The following DYRK1A variants were observed in gnomAD, a reference collection of about 807,000 sequenced individuals.
DYRK1A encodes the protein dual specificity tyrosine phosphorylation regulated kinase 1A, also known as dual specificity tyrosine-phosphorylation-regulated kinase 1A.
A neutral mutation model predicts 79.7 loss-of-function variants in DYRK1A; 9 were observed. That is an observed-to-expected ratio of 0.11 (90% CI 0.07 to 0.20). The LOEUF (loss-of-function observed/expected upper bound fraction) is 0.20, where lower values mean the gene tolerates loss of function less well. Ranked by LOEUF, DYRK1A falls within the 10% of genes least tolerant of loss-of-function variation. The probability of loss-of-function intolerance (pLI) is 1.00; values close to 1 mark genes in which losing one functional copy is unlikely to be tolerated. For synonymous variants in DYRK1A, 349 were observed against 329.7 expected, an observed-to-expected ratio of 1.06 and a Z score of -0.63; for missense variants, 622 against 956.0, an observed-to-expected ratio of 0.65 and a Z score of 4.61.
intron 1 of DYRK1A, among the ~76,000 whole-genome samples, chr21:37,411,437 CAAG>C (rs2050243922): frequency 7.0e-6 from 1 of 142,916 alleles, no homozygotes; most frequent in Non-Finnish European, 1.5e-5. Context: ...CAAACCAAAA[CAAG>C]AAAACCCCAC....
At chr21:37,432,195 T>G (rs1396179790) in intron 2 of DYRK1A, among the ~76,000 whole-genome samples, 3 of 152,152 alleles carry the variant, frequency 2.0e-5, no homozygotes, top group African/African-American at 7.2e-5. Flanking sequence ...CCTTTTTTTT[T>G]GTTCTGGGAA....
At chr21:37,368,644 C>T (rs917594494) in intron 1 of DYRK1A, among the ~76,000 whole-genome samples, 1 of 152,042 alleles carries the variant, frequency 6.6e-6, no homozygotes, top group African/African-American at 2.4e-5. Context: ...GTGGATCGAC[C>T]AGCTTGCCCA....
intron 1 of DYRK1A, among the ~76,000 whole-genome samples, chr21:37,379,430 A>G (rs918652320): frequency 6.6e-6 from 1 of 152,232 alleles, no homozygotes; most frequent in African/African-American, 2.4e-5. Context: ...AAGAGTATTA[A>G]GCTTTGTTGG....
rs3216074 is a variant in DYRK1A at position 37,417,529 on chromosome 21, C to CTTTT, written c.-76-2748_-76-2745dup. Among the ~76,000 whole-genome samples, 395 of 43,926 alleles carry CTTTT rather than the reference C, an allele frequency of 9.0e-3. 38 individuals are homozygous for CTTTT. The highest frequency in any genetic ancestry group is 0.037 in the African/African-American group (360 of 9,700). The allele number at this position is 43,926 out of a possible 152,430, so 28.8% of individuals were successfully genotyped here. On this transcript the variant is annotated intron_variant, in intron 1 of 11. Transcript: ENST00000647188. ...TTCTTTTCTTTTTCTTTTTCTTTTT[C>CTTTT]TTTTTTTTTTTTTTTTTTTTTTTTT... is the stretch of plus-strand genomic sequence containing the variant.
rs148280693 is a variant in DYRK1A at position 37,492,188 on chromosome 21, A to G, written c.925-829A>G. 4.0e-3 allele frequency among the ~76,000 whole-genome samples: 605 copies of G among 152,324 alleles called. 3 individuals carry two copies. Among genetic ancestry groups the G allele is most frequent in the Non-Finnish European group, 5.1e-3 (346 of 68,024 alleles). On this transcript the variant is annotated intron_variant, in intron 7 of 11. Transcript: ENST00000647188. ...TTAGACTTTCTTCTCATAGTTCCTT[A>G]AGGTTGGTTGACCTACCTGTGGAGG...
rs73398097 is a variant in DYRK1A at position 37,458,514 on chromosome 21, A to G, written c.11-14170A>G. Among the ~76,000 whole-genome samples, 683 of 152,134 alleles carry G rather than the reference A, an allele frequency of 4.5e-3. 4 individuals carry two copies. Among genetic ancestry groups the G allele is most frequent in the African/African-American group, 0.015 (639 of 41,506 alleles). On this transcript the variant is annotated intron_variant, in intron 2 of 11. Transcript: ENST00000647188. ...GTGTGTAACGTTTCAAACCCAAGGC[A>G]TTGTACAAGGGAGAGGAGTACTTTG...
In DYRK1A at chr21:37,490,035, T is replaced by C. The variant is rs544666484; in HGVS notation, c.638-140T>C. On this transcript the variant is annotated intron_variant, in intron 6 of 11. Transcript: ENST00000647188. ...CTTAACTGATTGAAAACTGCTGTTA[T>C]TACAAAATGCTGATCTCCAAACTTT... 5.9e-5 allele frequency: 50 copies of C among 842,510 alleles called. No individual in the cohort carries two copies. The Middle Eastern group carries it at 1.1e-3, about 18-fold the overall frequency. The allele number at this position is 842,510 out of a possible 1,614,324, so 52.2% of individuals were successfully genotyped here. A position where few individuals can be genotyped will look rare whatever the true frequency, so the allele number is the denominator to read the frequency against.
intron 7 of DYRK1A, among the ~76,000 whole-genome samples, chr21:37,492,755 TATC>T (rs1320692393): frequency 5.3e-4 from 80 of 152,190 alleles, no homozygotes; most frequent in African/African-American, 1.9e-3. Flanking sequence ...TTTTAAGAAA[TATC>T]ATGATGACTA....
At chr21:37,500,266 T>C (rs926373549) in intron 9 of DYRK1A, among the ~76,000 whole-genome samples, 12 of 152,192 alleles carry the variant, frequency 7.9e-5, no homozygotes, top group African/African-American at 2.9e-4. Flanking sequence ...TTCTCCTGTT[T>C]TGTGGTAAAA....
chr21:37,373,534 G>T, intron 1 of DYRK1A, among the ~76,000 whole-genome samples: 1 of 152,214 alleles, frequency 6.6e-6, no homozygotes, highest in Non-Finnish European at 1.5e-5. Context: ...ATCTAAGGCT[G>T]ATATGGTGGC....
intron 1 of DYRK1A, among the ~76,000 whole-genome samples, chr21:37,376,680 T>C (rs537239231): frequency 5.3e-5 from 8 of 152,274 alleles, no homozygotes; most frequent in African/African-American, 1.7e-4. Flanking sequence ...CTTGATTAAC[T>C]ACTGGACTAG....
At chr21:37,455,806 T>C (rs1460946360) in intron 2 of DYRK1A, among the ~76,000 whole-genome samples, 1 of 152,176 alleles carries the variant, frequency 6.6e-6, no homozygotes, top group Non-Finnish European at 1.5e-5. Flanking sequence ...ACATTAACTC[T>C]TTACTGTTCT....
At chr21:37,500,488 A>G (rs1194418628) in intron 9 of DYRK1A, among the ~76,000 whole-genome samples, 3 of 152,210 alleles carry the variant, frequency 2.0e-5, no homozygotes, top group Non-Finnish European at 4.4e-5. Flanking sequence ...TTGTGAAACT[A>G]TTAGGAAATA....
intron 2 of DYRK1A, among the ~76,000 whole-genome samples, chr21:37,439,989 A>C (rs938932994): frequency 6.6e-6 from 1 of 152,054 alleles, no homozygotes; most frequent in Non-Finnish European, 1.5e-5. Context: ...TGATTCAAAT[A>C]GTTACAATTT....
Position 37,500,985 on chromosome 21 carries a change from T to C in DYRK1A, c.1213-4298T>C, listed in dbSNP as rs1041073963. On this transcript the variant is annotated intron_variant, in intron 9 of 11. Coordinates refer to ENST00000647188, the MANE Select transcript of DYRK1A (RefSeq NM_001347721.2). Reference sequence around the variant, plus strand: ...ATCTAGTTTCTATTCTGTTTTTTGCTCTTCATTATGTCCATTTACTTGGGT... The same window carrying C: ...ATCTAGTTTCTATTCTGTTTTTTGCCCTTCATTATGTCCATTTACTTGGGT... Among the ~76,000 whole-genome samples, 64 of 151,574 alleles carry C rather than the reference T, an allele frequency of 4.2e-4. 1 individual carries two copies. Among genetic ancestry groups the C allele is most frequent in the African/African-American group, 1.4e-3 (59 of 41,404 alleles).
intron 1 of DYRK1A, among the ~76,000 whole-genome samples, chr21:37,371,580 A>C (rs1222708740): frequency 6.6e-6 from 1 of 152,230 alleles, no homozygotes; most frequent in Non-Finnish European, 1.5e-5. Context: ...TACCAGAGCT[A>C]TGTATCTTCT....
Position 37,483,309 on chromosome 21 carries a change from C to T in DYRK1A, c.489+2483C>T, listed in dbSNP as rs560307161. On this transcript the variant is annotated intron_variant, in intron 5 of 11. Transcript: ENST00000647188. ...TCAGCTGGTCCCTCCGTTTGGGGTC[C>T]CTGACTTCCCGCAACACTCTATGTC... 3.2e-4 allele frequency among the ~76,000 whole-genome samples: 49 copies of T among 152,286 alleles called. 3 individuals carry two copies. The highest frequency in any genetic ancestry group is 2.7e-3 in the Admixed American group (41 of 15,292).
intron 2 of DYRK1A, among the ~76,000 whole-genome samples, chr21:37,449,175 G>A (rs1338405176): frequency 6.6e-6 from 1 of 152,150 alleles, no homozygotes; most frequent in Non-Finnish European, 1.5e-5. Context: ...TTTGACCAGT[G>A]TTTTCAAGCT....
chr21:37,502,316 T>C (rs538709629), intron 9 of DYRK1A: 1 of 152,328 alleles, frequency 6.6e-6, no homozygotes, highest in African/African-American at 2.4e-5. Context: ...TTGTCTTTCC[T>C]GTTCTTTGTT....
Sources: allele counts gnomAD v4.1 joint callset (sites outside exome capture counted in the v4.1 genomes callset), GRCh38; gene constraint gnomAD v4.1.1; transcripts MANE v1.5; gene names NCBI Gene and HGNC (gene_info 2026-07-23, HGNC 2026-07-21).